Variants in REC114 observed in about 807,000 individuals in gnomAD.
REC114 encodes REC114 meiotic recombination protein.
A neutral mutation model predicts 31.3 loss-of-function variants in REC114; 27 were observed. The ratio of observed to expected loss-of-function variants is 0.86; its 90% CI spans 0.64 to 1.19. The LOEUF is 1.19. REC114 is among the 50% of genes most tolerant of loss of function. The probability of loss-of-function intolerance (pLI) is 0.00; values close to 1 mark genes in which losing one functional copy is unlikely to be tolerated. For missense variants in REC114, 344 were observed against 326.9 expected, an observed-to-expected ratio of 1.05 and a Z score of -0.40; for synonymous variants, 134 against 127.7, an observed-to-expected ratio of 1.05 and a Z score of -0.33.
intron 2 of REC114, among the ~76,000 whole-genome samples, chr15:73,493,230 G>C (rs1029461760): frequency 6.6e-6 from 1 of 151,826 alleles, no homozygotes; most frequent in Admixed American, 6.6e-5. Context: ...GTATTGCCCA[G>C]GCAGCTGCTT....
At chr15:73,558,285 G>A (rs74902571) in intron 5 of REC114, among the ~76,000 whole-genome samples, 9,741 of 152,236 alleles carry the variant, frequency 0.064, 501 homozygotes, top group African/African-American at 0.13. Context: ...TGCTATCCAC[G>A]TAAAGAATAA....
At chr15:73,509,256 T>A (rs1373057850) in intron 2 of REC114, among the ~76,000 whole-genome samples, 1 of 148,404 alleles carries the variant, frequency 6.7e-6, no homozygotes, top group Non-Finnish European at 1.5e-5. Context: ...TTGAGAAGTG[T>A]CTGTTCATGT....
intron 2 of REC114, among the ~76,000 whole-genome samples, chr15:73,497,712 A>G (rs1411266441): frequency 6.6e-6 from 1 of 152,210 alleles, no homozygotes; most frequent in Non-Finnish European, 1.5e-5. Context: ...AAATGCCACA[A>G]TAGGTATTCA....
chr15:73,541,863 T>C (rs370610782), intron 3 of REC114, among the ~76,000 whole-genome samples: 1 of 152,176 alleles, frequency 6.6e-6, no homozygotes, highest in Non-Finnish European at 1.5e-5. Context: ...TTAAACTAAC[T>C]ACAAAGAGCA....
intron 1 of REC114, among the ~76,000 whole-genome samples, chr15:73,458,855 A>T (rs1352478647): frequency 6.6e-6 from 1 of 152,198 alleles, no homozygotes; most frequent in Non-Finnish European, 1.5e-5. Flanking sequence ...TGTATTCCAC[A>T]AGTTCATATG....
At chr15:73,503,407 T>C (rs549962372) in intron 2 of REC114, among the ~76,000 whole-genome samples, 3 of 152,270 alleles carry the variant, frequency 2.0e-5, no homozygotes, top group African/African-American at 7.2e-5. Flanking sequence ...CTGACTTAAA[T>C]TTTTTCCGTA....
At chr15:73,548,093 G>A (rs1056742705) in intron 3 of REC114, among the ~76,000 whole-genome samples, 12 of 152,148 alleles carry the variant, frequency 7.9e-5, no homozygotes, top group African/African-American at 2.9e-4. Context: ...AAGAAAGTGG[G>A]AAAAGGACAT....
intron 2 of REC114, among the ~76,000 whole-genome samples, chr15:73,534,153 C>A (rs1350049253): frequency 6.6e-6 from 1 of 150,526 alleles, no homozygotes; most frequent in South Asian, 2.1e-4. Flanking sequence ...CAAACACATT[C>A]AAAAGCTAGC....
At chr15:73,486,274 T>G (rs1256672140) in intron 2 of REC114, among the ~76,000 whole-genome samples, 2 of 152,146 alleles carry the variant, frequency 1.3e-5, no homozygotes, top group African/African-American at 4.8e-5. Context: ...ATTTTTGTAT[T>G]TTTGGTAGAG....
At chr15:73,459,164 A>G (rs1298712197) in intron 1 of REC114, among the ~76,000 whole-genome samples, 4 of 152,166 alleles carry the variant, frequency 2.6e-5, no homozygotes, top group South Asian at 2.1e-4. Context: ...AGATGATCCT[A>G]TAAGGTAGTA....
chr15:73,488,924 TTCTTGGTACCAATTTCTG>T (rs1393894953), intron 2 of REC114, among the ~76,000 whole-genome samples: 1 of 152,182 alleles, frequency 6.6e-6, no homozygotes, highest in East Asian at 1.9e-4. Context: ...TAACACCCCT[TTCTTGGTACCAATTTCTG>T]TCTTAGTCCA....
chr15:73,521,317 A>G (rs953757657), intron 2 of REC114, among the ~76,000 whole-genome samples: 6 of 152,206 alleles, frequency 3.9e-5, no homozygotes, highest in Non-Finnish European at 7.3e-5. Flanking sequence ...TCAAGTACAC[A>G]TAGTATACAT....
chr15:73,531,294 G>T (rs530152945), intron 2 of REC114, among the ~76,000 whole-genome samples: 38 of 152,136 alleles, frequency 2.5e-4, no homozygotes, highest in Admixed American at 1.0e-3. Context: ...CACCATCTTT[G>T]GACTTCAGAT....
chr15:73,509,438 T>TATTTTA (rs1213200803), intron 2 of REC114, among the ~76,000 whole-genome samples: 2 of 151,078 alleles, frequency 1.3e-5, no homozygotes, highest in African/African-American at 4.9e-5. Context: ...AGAAGCTCTT[T>TATTTTA]ATTTTAATTA....
intron 2 of REC114, among the ~76,000 whole-genome samples, chr15:73,487,244 T>G (rs1893382926): frequency 6.6e-6 from 1 of 152,214 alleles, no homozygotes; most frequent in Admixed American, 6.5e-5. Flanking sequence ...AATATATTCA[T>G]TGCATCCCAG....
At chr15:73,509,102 A>C (rs2141313496) in intron 2 of REC114, among the ~76,000 whole-genome samples, 1 of 152,128 alleles carries the variant, frequency 6.6e-6, no homozygotes, top group Admixed American at 6.5e-5. Context: ...CCTCTCCAGC[A>C]CCTGTTGTTT....
At chr15:73,553,352 A>G (rs1194520810) in intron 4 of REC114, among the ~76,000 whole-genome samples, 4 of 152,170 alleles carry the variant, frequency 2.6e-5, no homozygotes, top group African/African-American at 9.7e-5. Flanking sequence ...TGCTTCGTCT[A>G]TATTCAGCTC....
chr15:73,493,155 T>C (rs1893469149), intron 2 of REC114, among the ~76,000 whole-genome samples: 2 of 152,142 alleles, frequency 1.3e-5, no homozygotes, highest in South Asian at 4.1e-4. Flanking sequence ...TAGCTGGGAC[T>C]ATAGGCACAT....
At chr15:73,544,551 A>C (rs907525659) in intron 3 of REC114, among the ~76,000 whole-genome samples, 11 of 152,160 alleles carry the variant, frequency 7.2e-5, no homozygotes, top group African/African-American at 2.4e-4. Context: ...ATTCTGATCA[A>C]ATAGGGGGCT....
Sources: gnomAD v4.1 joint callset for allele counts (sites outside exome capture counted in the v4.1 genomes callset) on GRCh38, gnomAD v4.1.1 for gene constraint, MANE v1.5 for transcripts, NCBI Gene and HGNC (gene_info 2026-07-23, HGNC 2026-07-21) for gene names.